Variants in GALNTL6 observed in about 807,000 individuals in gnomAD.
GALNTL6 encodes polypeptide N-acetylgalactosaminyltransferase-like 6.
GALNTL6 carries 46 observed loss-of-function variants against 73.7 expected under a neutral mutation model. That is an observed-to-expected ratio of 0.62 (90% CI 0.49 to 0.80). The LOEUF (loss-of-function observed/expected upper bound fraction) is 0.80, where lower values mean the gene tolerates loss of function less well. Ranked by LOEUF, GALNTL6 falls within the 30% of genes least tolerant of loss-of-function variation. The pLI, the probability that GALNTL6 is intolerant of heterozygous loss-of-function variation, is 0.00. For missense variants in GALNTL6, 604 were observed against 755.0 expected (o/e 0.80, Z 2.34); for synonymous variants, 259 against 263.7 (o/e 0.98, Z 0.17).
At chr4:172,845,079 G>A (rs372562259) in intron 7 of GALNTL6, among the ~76,000 whole-genome samples, 31 of 151,956 alleles carry the variant, frequency 2.0e-4, no homozygotes, top group African/African-American at 4.8e-4. Context: ...TTAGCTGGGC[G>A]TGGTGGCATG....
chr4:172,612,658 C>A (rs1210921215), intron 5 of GALNTL6, among the ~76,000 whole-genome samples: 2 of 152,006 alleles, frequency 1.3e-5, no homozygotes, highest in African/African-American at 2.4e-5. Context: ...AAGAGTCTTG[C>A]ACAATTATAC....
intron 2 of GALNTL6, among the ~76,000 whole-genome samples, chr4:171,967,459 T>TG (rs1560863224): frequency 6.6e-6 from 1 of 151,040 alleles, no homozygotes; most frequent in Non-Finnish European, 1.5e-5. Context: ...TTTTTTTTTT[T>TG]TTTTTTGTAG....
At chr4:172,284,060 G>A (rs1739164021) in intron 3 of GALNTL6, among the ~76,000 whole-genome samples, 1 of 152,064 alleles carries the variant, frequency 6.6e-6, no homozygotes, top group Non-Finnish European at 1.5e-5. Flanking sequence ...GGTGGAATTT[G>A]AAATGCTAAA....
intron 5 of GALNTL6, among the ~76,000 whole-genome samples, chr4:172,445,386 C>T (rs1731982715): frequency 6.6e-6 from 1 of 152,158 alleles, no homozygotes; most frequent in South Asian, 2.1e-4. Flanking sequence ...CAAAATAGTA[C>T]ATTCTGAACC....
intron 5 of GALNTL6, among the ~76,000 whole-genome samples, chr4:172,565,090 T>C (rs1174578366): frequency 6.6e-6 from 1 of 152,180 alleles, no homozygotes; most frequent in Admixed American, 6.5e-5. Context: ...TGCTCTCACA[T>C]GGAAGAAGGG....
intron 12 of GALNTL6, among the ~76,000 whole-genome samples, chr4:173,030,240 C>T (rs1753401358): frequency 6.6e-6 from 1 of 152,208 alleles, no homozygotes; most frequent in South Asian, 2.1e-4. Flanking sequence ...TAGGCTAACT[C>T]TCAGGAGGAC....
chr4:171,919,583 A>T (rs1737725677), intron 2 of GALNTL6, among the ~76,000 whole-genome samples: 1 of 152,134 alleles, frequency 6.6e-6, no homozygotes, highest in South Asian at 2.1e-4. Flanking sequence ...CAGGATACTT[A>T]TAGGCACCTG....
At chr4:172,837,151 C>A (rs1172868284) in intron 7 of GALNTL6, among the ~76,000 whole-genome samples, 1 of 152,160 alleles carries the variant, frequency 6.6e-6, no homozygotes, top group Non-Finnish European at 1.5e-5. Context: ...CAGCTTTATA[C>A]AAAATTATGA....
intron 10 of GALNTL6, among the ~76,000 whole-genome samples, chr4:172,974,313 C>T (rs1270342863): frequency 6.6e-6 from 1 of 152,074 alleles, no homozygotes; most frequent in South Asian, 2.1e-4. Context: ...TTCTGTCTAC[C>T]TCTCTTCCTC....
At chr4:172,088,234 A>G (rs982718043) in intron 2 of GALNTL6, among the ~76,000 whole-genome samples, 3 of 152,186 alleles carry the variant, frequency 2.0e-5, no homozygotes, top group Non-Finnish European at 4.4e-5. Flanking sequence ...TTTTTCCCAA[A>G]GAATATTATT....
rs1373717941 is a variant in GALNTL6 at position 172,251,510 on chromosome 4, A to G, written c.247+21746A>G. 2.6e-5 allele frequency among the ~76,000 whole-genome samples: 4 copies of G among 152,284 alleles called. No homozygotes were observed. In the Middle Eastern group the frequency reaches 0.01, roughly 388 times the overall value. On this transcript the variant is annotated intron_variant, in intron 3 of 12. Transcript: ENST00000506823. Reference sequence around the variant, plus strand: ...TCTCTGTGGGCCAGGGAAAGCCTGCATATCAGGCTGGCACATCCTGAATAA... The same window carrying G: ...TCTCTGTGGGCCAGGGAAAGCCTGCGTATCAGGCTGGCACATCCTGAATAA...
chr4:172,057,269 C>A (rs1579095061), intron 2 of GALNTL6, among the ~76,000 whole-genome samples: 1 of 151,844 alleles, frequency 6.6e-6, no homozygotes, highest in Non-Finnish European at 1.5e-5. Flanking sequence ...AAAAAATTAG[C>A]CAGTTGTAGT....
At position 172,961,480 on chromosome 4, in the gene GALNTL6, C is replaced by T. The variant is rs539925105; in HGVS notation, c.1371+9222C>T. ...TGAAGGACCAAGGCAGGCGTCCCCA[C>T]GTGGTCAGACGCCTCTGAAATGTGG... On this transcript the variant is annotated intron_variant, in intron 10 of 12. Coordinates refer to ENST00000506823, the MANE Select transcript of GALNTL6 (RefSeq NM_001034845.3). Among the ~76,000 whole-genome samples, 21 of 152,248 alleles carry T rather than the reference C, an allele frequency of 1.4e-4. No homozygotes were observed. The South Asian group carries it at 3.9e-3, about 29-fold the overall frequency.
chr4:172,501,025 T>A (rs1442764316), intron 5 of GALNTL6, among the ~76,000 whole-genome samples: 1 of 152,256 alleles, frequency 6.6e-6, no homozygotes, highest in African/African-American at 2.4e-5. Flanking sequence ...ATATCTTGAC[T>A]GTGACAGTAG....
At chr4:172,266,640 T>C (rs1186458224) in intron 3 of GALNTL6, among the ~76,000 whole-genome samples, 4 of 152,152 alleles carry the variant, frequency 2.6e-5, no homozygotes, top group South Asian at 4.1e-4. Flanking sequence ...TGCTTTCTAA[T>C]ACCAGTAAAA....
At chr4:172,489,280 A>G (rs1733812306) in intron 5 of GALNTL6, among the ~76,000 whole-genome samples, 1 of 152,232 alleles carries the variant, frequency 6.6e-6, no homozygotes, top group Admixed American at 6.5e-5. Context: ...ACGCAGACAC[A>G]CACACACGCT....
chr4:172,999,645 A>G (rs944453375), intron 10 of GALNTL6, among the ~76,000 whole-genome samples: 26 of 152,148 alleles, frequency 1.7e-4, no homozygotes, highest in Non-Finnish European at 3.2e-4. Flanking sequence ...GTGTCTATAT[A>G]TAGATGTCCC....
At chr4:172,654,324 G>A (rs377439892) in intron 5 of GALNTL6, among the ~76,000 whole-genome samples, 2 of 152,100 alleles carry the variant, frequency 1.3e-5, no homozygotes, top group South Asian at 2.1e-4. Context: ...GTTCTCAACC[G>A]AACCATTATT....
chr4:172,406,435 A>G (rs538057413), intron 5 of GALNTL6, among the ~76,000 whole-genome samples: 15 of 152,138 alleles, frequency 9.9e-5, no homozygotes, highest in East Asian at 5.8e-4. Context: ...TAATACATAT[A>G]TATATAAATG....
Sources: gnomAD v4.1 joint callset for allele counts (sites outside exome capture counted in the v4.1 genomes callset) on GRCh38, gnomAD v4.1.1 for gene constraint, MANE v1.5 for transcripts, NCBI Gene and HGNC (gene_info 2026-07-23, HGNC 2026-07-21) for gene names.